Variants in EIF2AK1 observed in about 807,000 individuals in gnomAD.
EIF2AK1 encodes the protein eukaryotic translation initiation factor 2 alpha kinase 1, also known as eukaryotic translation initiation factor 2-alpha kinase 1.
EIF2AK1 carries 54 observed loss-of-function variants against 77.9 expected under a neutral mutation model. The ratio of observed to expected loss-of-function variants is 0.69; its 90% CI spans 0.56 to 0.87. The LOEUF is 0.87. Among genes scored for constraint, EIF2AK1 ranks in the 40% least tolerant of loss-of-function variants. EIF2AK1 has a pLI of 0.00. For missense variants in EIF2AK1, 810 were observed against 768.6 expected (o/e 1.05, Z -0.64); for synonymous variants, 314 against 290.5 (o/e 1.08, Z -0.82).
In EIF2AK1 at chr7:6,042,971, C is replaced by T. The variant is rs183238384; in HGVS notation, c.753G>A (p.Leu251=). Residue 251 remains leucine, a synonymous_variant, in exon 8 of 15, where the codon TTG becomes TTA. Coordinates refer to ENST00000199389, the MANE Select transcript of EIF2AK1 (RefSeq NM_014413.4). ...GGTCGGAGAGCACTTCCAGAGATGGCAACTCAATGGCAGCTCTGTCTGCTG... is the reference window on the plus strand; with the variant it reads ...GGTCGGAGAGCACTTCCAGAGATGGTAACTCAATGGCAGCTCTGTCTGCTG... ...QPRADRAAIE[L]PSLEVLSDQE... 1 of 1,614,096 alleles carries T rather than the reference C, an allele frequency of 6.2e-7. No individual in the cohort carries two copies. Among genetic ancestry groups the T allele is most frequent in the Admixed American group, 1.7e-5 (1 of 60,012 alleles).
chr7:6,056,628 A>ATATATATATATATAGATATATATG (rs749747260), intron 1 of EIF2AK1, among the ~76,000 whole-genome samples: 1 of 75,938 alleles, frequency 1.3e-5, no homozygotes, highest in Non-Finnish European at 2.6e-5. Flanking sequence ...ATATATATAT[A>ATATATATATATATAGATATATATG]TATATATAAA....
intron 5 of EIF2AK1, chr7:6,046,458 G>C (rs1788446730): frequency 5.4e-6 from 1 of 184,940 alleles, no homozygotes; most frequent in Admixed American, 6.1e-5. Context: ...TTAACTATAG[G>C]TCAAAAATTC....
intron 6 of EIF2AK1, among the ~76,000 whole-genome samples, chr7:6,045,255 A>G (rs942297598): frequency 2.0e-5 from 3 of 151,940 alleles, no homozygotes; most frequent in African/African-American, 7.3e-5. Flanking sequence ...ACAAGCATGC[A>G]CTACCACACC....
At chr7:6,052,942 A>G (rs1406864663) in intron 2 of EIF2AK1, among the ~76,000 whole-genome samples, 1 of 152,138 alleles carries the variant, frequency 6.6e-6, no homozygotes, top group Non-Finnish European at 1.5e-5. Context: ...CAGCCTGGGC[A>G]ACAGAGTGAG....
rs571875568 is a variant in EIF2AK1, at chr7:6,032,638, C to T, written c.1333-3606G>A. 6.6e-6 allele frequency among the ~76,000 whole-genome samples: 1 copy of T among 152,160 alleles called. No homozygotes were observed. Among genetic ancestry groups the T allele is most frequent in the African/African-American group, 2.4e-5 (1 of 41,434 alleles). ...AGTAAATGTGCATTTCTGTGAAACA[C>T]AGATTTTATAGGATGGAATTCACTG... On this transcript the variant is annotated intron_variant, in intron 11 of 14. Coordinates refer to ENST00000199389, the MANE Select transcript of EIF2AK1 (RefSeq NM_014413.4). The surrounding 1 kb of genome is among the most constrained non-coding windows in gnomAD (Gnocchi z 4.3).
chr7:6,029,120 GGA>G (rs1787829320), intron 11 of EIF2AK1, 88 bp from the exon 12 acceptor site: 14 of 1,097,668 alleles, frequency 1.3e-5, no homozygotes, highest in Non-Finnish European at 1.9e-5. Flanking sequence ...TTGGAACTCA[GGA>G]GCAAGCAGCC....
chr7:6,055,523 A>G (rs955650384), intron 1 of EIF2AK1, among the ~76,000 whole-genome samples: 2 of 151,972 alleles, frequency 1.3e-5, no homozygotes, highest in Non-Finnish European at 2.9e-5. Context: ...GATCTCAGAG[A>G]GGCTGAGGAA....
At chr7:6,054,734 A>G (rs1788703153) in intron 1 of EIF2AK1, 30 bp from the exon 2 acceptor site, 2 of 1,579,442 alleles carry the variant, frequency 1.3e-6, no homozygotes, top group African/African-American at 1.4e-5. Context: ...ATATTTTTAA[A>G]TTAATGGTAA....
Position 6,024,783 on chromosome 7 carries a change from T to C in EIF2AK1, c.1783A>G (p.Met595Val). ...TCTTTTTCTTGCTCTATTATCTTCA[T>C]CTGTAGGGTGAGGTTAACCTGTAAG... is the stretch of plus-strand genomic sequence containing the variant. The part of the protein sequence containing the change: ...NSGNVNLTLQ[M>V]KIIEQEKEIA... Residue 595 changes from methionine to valine, a missense_variant, in exon 15 of 15, where the codon ATG becomes GTG. By Grantham distance (21) the Met-to-Val change is conservative. Transcript: ENST00000199389. 4 of 1,565,380 alleles carry C rather than the reference T, an allele frequency of 2.6e-6. No homozygotes were observed. The highest frequency in any genetic ancestry group is 3.4e-6 in the Non-Finnish European group (4 of 1,161,802).
Position 6,027,974 on chromosome 7 carries a change from G to A in EIF2AK1, c.1530+641C>T. The stretch of plus-strand genomic sequence containing the variant: ...GTTACATGGGAGGCTGAGGTGGGAG[G>A]ATCACTTGAGCCCAGGAGTTGGAGG... On this transcript the variant is annotated intron_variant, in intron 13 of 14. Transcript: ENST00000199389. The surrounding 1 kb of genome is among the most constrained non-coding windows in gnomAD (Gnocchi z 4.5). The A allele has an allele frequency of 2.2e-6, 1 of 453,520 alleles. No homozygotes were observed. Among genetic ancestry groups the A allele is most frequent in the Non-Finnish European group, 4.4e-6 (1 of 225,812 alleles). 28.1% of individuals were successfully genotyped at this position (453,520 alleles called of 1,614,324 possible).
At chr7:6,057,893 G>C (rs1243716835) in intron 1 of EIF2AK1, among the ~76,000 whole-genome samples, 1 of 152,132 alleles carries the variant, frequency 6.6e-6, no homozygotes, top group Admixed American at 6.6e-5. Flanking sequence ...GCCTTCCAAA[G>C]TGCTGGATTA....
In EIF2AK1 at chr7:6,039,245, T is replaced by C. The variant is rs145240292; in HGVS notation, c.1120-574A>G. On this transcript the variant is annotated intron_variant, in intron 9 of 14. Coordinates refer to ENST00000199389, the MANE Select transcript of EIF2AK1 (RefSeq NM_014413.4). ...ATTTTCCAAATAAAATACAGAGAAA[T>C]GAAATGATTCTGATTAAAAGTCCCC... Among the ~76,000 whole-genome samples the C allele has an allele frequency of 9.9e-5, 15 of 152,140 alleles. 1 individual carries two copies. In the East Asian group the frequency reaches 2.9e-3, roughly 29 times the overall value.
intron 1 of EIF2AK1, among the ~76,000 whole-genome samples, chr7:6,057,337 C>G (rs1788809474): frequency 6.6e-6 from 1 of 151,958 alleles, no homozygotes; most frequent in Admixed American, 6.6e-5. Context: ...ACCATTTCAA[C>G]TCGGTTTGCA....
chr7:6,023,640 G>T lies in EIF2AK1; in HGVS notation c.*1033C>A. The T allele has an allele frequency of 6.2e-7, 1 of 1,614,154 alleles. No homozygotes were observed. The highest frequency in any genetic ancestry group is 8.5e-7 in the Non-Finnish European group (1 of 1,180,024). On this transcript the variant is annotated 3_prime_UTR_variant, in exon 15 of 15. Transcript: ENST00000199389. ...CAGCCAATGTGCAGAGGTGGATGAG[G>T]TCTTGTGAAAACCTGGCTCCTTTTA...
At position 6,041,108 on chromosome 7, in the gene EIF2AK1, A is replaced by T. The variant is rs1788283955; in HGVS notation, c.903T>A (p.Asn301Lys). The T allele has an allele frequency of 6.2e-7, 1 of 1,613,772 alleles. No individual in the cohort carries two copies. The highest frequency in any genetic ancestry group is 1.7e-5 in the Admixed American group (1 of 59,954). ...RFGESDTENQ[N>K]NKSVKYTTNL... ...TGGTGGTGTACTTCACCGACTTGTT[A>T]TTCTGATTTTCAGTGTCAGATTCTC... Residue 301 changes from asparagine (N) to lysine (K), a missense_variant, in exon 9 of 15, where the codon AAT becomes AAA. Around this residue, in one of 3 missense-constraint regions of EIF2AK1, gnomAD observed 549 missense variants for 533.7 expected, o/e 1.03. Transcript: ENST00000199389.
Position 6,023,307 on chromosome 7 carries a change from G to C in EIF2AK1, c.*1366C>G, listed in dbSNP as rs761471943. 3.8e-6 allele frequency: 6 copies of C among 1,593,804 alleles called. No individual in the cohort carries two copies. Among genetic ancestry groups the C allele is most frequent in the Non-Finnish European group, 5.1e-6 (6 of 1,172,076 alleles). On this transcript the variant is annotated 3_prime_UTR_variant, in exon 15 of 15. Coordinates refer to ENST00000199389, the MANE Select transcript of EIF2AK1 (RefSeq NM_014413.4). ...TGGCGTGTTTTTTCTTTTCAGTGCC[G>C]AAGACGCAGATGAAATTCAGCATCC... is the stretch of plus-strand genomic sequence containing the variant.
At chr7:6,049,762 A>T in intron 3 of EIF2AK1, 150 bp downstream of exon 3, 2 of 690,534 alleles carry the variant, frequency 2.9e-6, no homozygotes, top group Non-Finnish European at 2.3e-6. Context: ...TGCTGGGATT[A>T]AGGCATGAGC....
At chr7:6,045,735 A>T (rs1052965521) in intron 6 of EIF2AK1, among the ~76,000 whole-genome samples, 3 of 145,210 alleles carry the variant, frequency 2.1e-5, no homozygotes, top group Admixed American at 7.0e-5. Context: ...TTTAAAAATT[A>T]TATATATATA....
At chr7:6,042,182 G>A (rs1052281205) in intron 8 of EIF2AK1, among the ~76,000 whole-genome samples, 5 of 152,014 alleles carry the variant, frequency 3.3e-5, no homozygotes, top group African/African-American at 1.2e-4. Flanking sequence ...CAGGTGCAGT[G>A]GCTCACAACT....
Sources: gnomAD v4.1 joint callset for allele counts (sites outside exome capture counted in the v4.1 genomes callset) on GRCh38, gnomAD v4.1.1 for gene constraint, gnomAD v4.1.1 regional missense constraint, Gnocchi (gnomAD v3.1) non-coding constraint, MANE v1.5 for transcripts, NCBI Gene and HGNC (gene_info 2026-07-23, HGNC 2026-07-21) for gene names.